Variants in LARP4B observed in about 807,000 individuals in gnomAD.
LARP4B encodes La ribonucleoprotein 4B.
In LARP4B, 12 loss-of-function variants were observed where a neutral mutation model predicts 89.8. The ratio of observed to expected loss-of-function variants is 0.13; its 90% confidence interval spans 0.09 to 0.22. The LOEUF is 0.22. Ranked by LOEUF, LARP4B falls within the 10% of genes least tolerant of loss-of-function variation. The pLI is 1.00. For synonymous variants in LARP4B, 367 were observed against 363.3 expected, an observed-to-expected ratio of 1.01 and a Z score of -0.12; for missense variants, 757 against 947.7, an observed-to-expected ratio of 0.80 and a Z score of 2.64.
chr10:911,743 A>G (rs74116966), intron 1 of LARP4B, among the ~76,000 whole-genome samples: 1 of 152,154 alleles, frequency 6.6e-6, no homozygotes, highest in South Asian at 2.1e-4. Context: ...GTTTCCTCTC[A>G]GGTCTAAAGC....
chr10:870,141 T>C (rs529424049), intron 3 of LARP4B: 6 of 580,578 alleles, frequency 1.0e-5, no homozygotes, highest in East Asian at 1.4e-4. Context: ...TCACTAAATA[T>C]TGTTTCACCT....
chr10:875,345 T>C (rs1435529622), intron 3 of LARP4B, among the ~76,000 whole-genome samples: 1 of 152,228 alleles, frequency 6.6e-6, no homozygotes, highest in Non-Finnish European at 1.5e-5. Flanking sequence ...GTAGTTGGAA[T>C]AGAATCTCAG....
intron 11 of LARP4B, among the ~76,000 whole-genome samples, chr10:827,000 C>T (rs999076342): frequency 2.0e-5 from 3 of 152,172 alleles, no homozygotes; most frequent in East Asian, 1.9e-4. Flanking sequence ...CATGGCCGGG[C>T]GCAGTGGCTC....
chr10:891,860 A>G (rs962415031), intron 1 of LARP4B, among the ~76,000 whole-genome samples: 1 of 152,278 alleles, frequency 6.6e-6, no homozygotes, highest in Non-Finnish European at 1.5e-5. Flanking sequence ...TTAATAACGT[A>G]TCATTTTAAT....
the LARP4B span, among the ~76,000 whole-genome samples, chr10:948,250 T>C: frequency 1.3e-5 from 2 of 152,256 alleles, no homozygotes; most frequent in South Asian, 2.1e-4. Flanking sequence ...TAGCTTCATA[T>C]GCATTTGTAA....
chr10:880,622 G>T (rs1835632681), intron 3 of LARP4B, among the ~76,000 whole-genome samples: 2 of 152,042 alleles, frequency 1.3e-5, no homozygotes, highest in African/African-American at 4.8e-5. Flanking sequence ...GGAGGCAGAG[G>T]CTGCAGTGAG....
At chr10:848,927 C>G (rs931110713) in intron 5 of LARP4B, among the ~76,000 whole-genome samples, 2 of 152,114 alleles carry the variant, frequency 1.3e-5, no homozygotes, top group Non-Finnish European at 2.9e-5. Flanking sequence ...AAATAACTGA[C>G]TTTTAAATAA....
chr10:960,499 G>C, the LARP4B span, among the ~76,000 whole-genome samples: 1 of 152,092 alleles, frequency 6.6e-6, no homozygotes, highest in African/African-American at 2.4e-5. Context: ...TTGAGGTCAG[G>C]AGTTTGAGAC....
chr10:879,907 G>T (rs1835602831), intron 3 of LARP4B, among the ~76,000 whole-genome samples: 1 of 152,102 alleles, frequency 6.6e-6, no homozygotes. Context: ...CTGAGTAGCT[G>T]GGATTACAGG....
At chr10:958,445 A>G in the LARP4B span, among the ~76,000 whole-genome samples, 1 of 152,150 alleles carries the variant, frequency 6.6e-6, no homozygotes, top group Non-Finnish European at 1.5e-5. Flanking sequence ...TGAAATGTTT[A>G]AGCATCCTGC....
At chr10:848,956 T>G (rs1386082420) in intron 5 of LARP4B, among the ~76,000 whole-genome samples, 2 of 152,166 alleles carry the variant, frequency 1.3e-5, no homozygotes, top group Non-Finnish European at 2.9e-5. Flanking sequence ...ACATATATTG[T>G]CAGTTTATAG....
intron 1 of LARP4B, among the ~76,000 whole-genome samples, chr10:897,355 A>G (rs1256558607): frequency 6.6e-6 from 1 of 152,206 alleles, no homozygotes; most frequent in African/African-American, 2.4e-5. Context: ...CTCCTACCTC[A>G]ACATACACAA....
intron 3 of LARP4B, chr10:873,419 T>G: frequency 1.0e-6 from 1 of 985,130 alleles, no homozygotes; most frequent in Non-Finnish European, 1.2e-6. Flanking sequence ...GTATTTTTTC[T>G]TACTCTCATA....
chr10:953,725 G>T, the LARP4B span, among the ~76,000 whole-genome samples: 1 of 152,246 alleles, frequency 6.6e-6, no homozygotes, highest in Admixed American at 6.5e-5. Context: ...TGTGTAATTG[G>T]CAGGATTTGC....
rs554522915 is a variant in LARP4B at position 893,992 on chromosome 10, C to T, written c.-39-8232G>A. ...ATTTCTGAATAACCAAAAAGCTGATCAGGGCAAGAACCACAGTCAATGGGG... is the reference window on the plus strand; with the variant it reads ...ATTTCTGAATAACCAAAAAGCTGATTAGGGCAAGAACCACAGTCAATGGGG... On this transcript the variant is annotated intron_variant, in intron 1 of 17. Transcript: ENST00000316157. 1.7e-4 allele frequency among the ~76,000 whole-genome samples: 26 copies of T among 152,252 alleles called. No homozygotes were observed. The South Asian group carries it at 5.0e-3, about 29-fold the overall frequency.
chr10:947,804 G>T, the LARP4B span, among the ~76,000 whole-genome samples: 1 of 152,008 alleles, frequency 6.6e-6, no homozygotes, highest in African/African-American at 2.4e-5. Flanking sequence ...TTGTATTTTA[G>T]TAGAGACAGG....
the LARP4B span, among the ~76,000 whole-genome samples, chr10:949,970 T>A: frequency 6.6e-6 from 1 of 152,220 alleles, no homozygotes; most frequent in African/African-American, 2.4e-5. Context: ...TAGTTGAGGT[T>A]TTGCCATGTT....
the LARP4B span, among the ~76,000 whole-genome samples, chr10:963,243 C>G: frequency 6.6e-6 from 1 of 152,178 alleles, no homozygotes; most frequent in Non-Finnish European, 1.5e-5. Flanking sequence ...AGAAGCATGT[C>G]AAGTTCATGA....
At chr10:859,203 C>T (rs994815421) in intron 5 of LARP4B, among the ~76,000 whole-genome samples, 9 of 150,680 alleles carry the variant, frequency 6.0e-5, no homozygotes, top group East Asian at 5.9e-4. Context: ...TGCTTGAACC[C>T]GGGAGGTGGA....
Sources: allele counts gnomAD v4.1 joint callset (sites outside exome capture counted in the v4.1 genomes callset), GRCh38; gene constraint gnomAD v4.1.1; transcripts MANE v1.5; gene names NCBI Gene and HGNC (gene_info 2026-07-23, HGNC 2026-07-21).